The following DIP2B variants were observed in gnomAD, a reference collection of about 807,000 sequenced individuals.
DIP2B encodes the protein DIP2 acetate--CoA ligase B (putative), also known as disco-interacting protein 2 homolog B.
A neutral mutation model predicts 198.0 loss-of-function variants in DIP2B; 76 were observed. The observed-to-expected ratio is 0.38, with a 90% CI of 0.32 to 0.46. The LOEUF (loss-of-function observed/expected upper bound fraction) is 0.46, where lower values mean the gene tolerates loss of function less well. DIP2B is among the 20% of genes least tolerant of loss of function. The probability of loss-of-function intolerance (pLI) is 0.99; values close to 1 mark genes in which losing one functional copy is unlikely to be tolerated. For missense variants in DIP2B, 1,559 were observed against 1,978.4 expected (o/e 0.79, Z 4.02); for synonymous variants, 701 against 739.1 (o/e 0.95, Z 0.84).
In DIP2B at chr12:50,591,885, T is replaced by G. The variant is rs185138923; in HGVS notation, c.101-34091T>G. Among the ~76,000 whole-genome samples, 445 of 151,612 alleles carry G rather than the reference T, an allele frequency of 2.9e-3. 5 individuals are homozygous for G. Among genetic ancestry groups the G allele is most frequent in the African/African-American group, 0.01 (422 of 41,464 alleles). ...TTTATTTCTTTATTTTTGTGTGTTT[T>G]TTTTTTTTTTGAGATGGAGTCTTGC... On this transcript the variant is annotated intron_variant, in intron 1 of 37. Transcript: ENST00000301180.
intron 1 of DIP2B, among the ~76,000 whole-genome samples, chr12:50,571,170 C>CT (rs71083599): frequency 0.32 from 40,555 of 126,846 alleles, 6,962 homozygotes; most frequent in South Asian, 0.38. Flanking sequence ...TTGGCAGCCT[C>CT]TTTTTTTTTT....
rs1032318860 is a variant in DIP2B at position 50,659,921 on chromosome 12, A to T, written c.302-273A>T. On this transcript the variant is annotated intron_variant, in intron 3 of 37. Coordinates refer to ENST00000301180, the MANE Select transcript of DIP2B (RefSeq NM_173602.3). ...ATTCTGTCCCCACCCACCTCCCCAC[A>T]TCTCTGTCAACTCTTTGTCTGGTGT... Among the ~76,000 whole-genome samples the T allele has an allele frequency of 9.5e-4, 144 of 150,882 alleles. 1 individual carries two copies. The highest frequency in any genetic ancestry group is 9.5e-3 in the Admixed American group (144 of 15,170).
intron 27 of DIP2B, among the ~76,000 whole-genome samples, chr12:50,723,675 T>C (rs1447019849): frequency 6.6e-6 from 1 of 151,962 alleles, no homozygotes; most frequent in African/African-American, 2.4e-5. Context: ...CCCTTGAGTC[T>C]GGGAGGTGGA....
Position 50,747,200 on chromosome 12 carries a change from T to C in DIP2B, c.*2361T>C, listed in dbSNP as rs1940352095. 1 of 152,232 alleles carries C rather than the reference T, an allele frequency of 6.6e-6. No individual in the cohort carries two copies. The highest frequency in any genetic ancestry group is 6.5e-5 in the Admixed American group (1 of 15,282). 9.4% of individuals were successfully genotyped at this position (152,232 alleles called of 1,614,324 possible). ...AAACCATCACCATATTTCAAGTCTT[T>C]GTAGCCAAATGTGACTAGTGGCTAC... On this transcript the variant is annotated 3_prime_UTR_variant, in exon 38 of 38. Coordinates refer to ENST00000301180, the MANE Select transcript of DIP2B (RefSeq NM_173602.3).
intron 1 of DIP2B, among the ~76,000 whole-genome samples, chr12:50,543,924 T>TAAAAA (rs781505789): frequency 3.0e-5 from 3 of 101,172 alleles, no homozygotes; most frequent in African/African-American, 4.0e-5. Flanking sequence ...ACTCAGCCTT[T>TAAAAA]AAAAAAAAAA....
intron 3 of DIP2B, among the ~76,000 whole-genome samples, chr12:50,659,494 G>A (rs1308939053): frequency 6.6e-6 from 1 of 151,194 alleles, no homozygotes; most frequent in African/African-American, 2.4e-5. Context: ...TTTTTTAGCG[G>A]GATACAAAAT....
intron 1 of DIP2B, among the ~76,000 whole-genome samples, chr12:50,513,766 C>T (rs975429875): frequency 1.3e-5 from 2 of 150,750 alleles, no homozygotes; most frequent in Middle Eastern, 3.2e-3. Flanking sequence ...CCCAACTACT[C>T]GGGAGGCTGT....
intron 3 of DIP2B, among the ~76,000 whole-genome samples, chr12:50,657,325 T>A (rs1482461809): frequency 6.6e-6 from 1 of 151,754 alleles, no homozygotes; most frequent in Non-Finnish European, 1.5e-5. Flanking sequence ...ATTTATATAG[T>A]CTCAAAAGTA....
At chr12:50,702,578 C>T (rs948184655) in intron 19 of DIP2B, among the ~76,000 whole-genome samples, 4 of 151,392 alleles carry the variant, frequency 2.6e-5, no homozygotes, top group Non-Finnish European at 5.9e-5. Flanking sequence ...AAAAAATTAT[C>T]CGGGTGCTGT....
chr12:50,634,653 A>G (rs1381039793), intron 2 of DIP2B, among the ~76,000 whole-genome samples: 1 of 152,068 alleles, frequency 6.6e-6, no homozygotes, highest in Non-Finnish European at 1.5e-5. Context: ...CCCCACTTCC[A>G]TTATCTGAGT....
intron 1 of DIP2B, among the ~76,000 whole-genome samples, chr12:50,556,967 C>T (rs1958477236): frequency 6.6e-6 from 1 of 152,200 alleles, no homozygotes; most frequent in Admixed American, 6.5e-5. Flanking sequence ...ACATCGGCCT[C>T]CCATAGTGCT....
chr12:50,722,841 C>G (rs941872340), intron 26 of DIP2B, among the ~76,000 whole-genome samples: 1 of 152,142 alleles, frequency 6.6e-6, no homozygotes, highest in Non-Finnish European at 1.5e-5. Flanking sequence ...TTAAGAAGCT[C>G]AGGGCTTCCT....
At chr12:50,742,731 A>G (rs939616833) in intron 37 of DIP2B, among the ~76,000 whole-genome samples, 3 of 152,100 alleles carry the variant, frequency 2.0e-5, no homozygotes, top group African/African-American at 7.2e-5. Context: ...CCCTGTCTCT[A>G]CTAAAAATAC....
rs1958872366 is a variant in DIP2B at position 50,595,672 on chromosome 12, C to G, written c.101-30304C>G. Among the ~76,000 whole-genome samples the G allele has an allele frequency of 2.0e-5, 3 of 152,178 alleles. No homozygotes were observed. In the South Asian group the frequency reaches 6.2e-4, roughly 31 times the overall value. On this transcript the variant is annotated intron_variant, in intron 1 of 37. Coordinates refer to ENST00000301180, the MANE Select transcript of DIP2B (RefSeq NM_173602.3). Reference sequence around the variant, plus strand: ...TTTAATGTGGCCATTGAGGAGAATACTACATACATGTTCCTCTAGAACAGT... The same window carrying G: ...TTTAATGTGGCCATTGAGGAGAATAGTACATACATGTTCCTCTAGAACAGT...
intron 4 of DIP2B, among the ~76,000 whole-genome samples, chr12:50,661,589 C>T (rs1938648569): frequency 6.6e-6 from 1 of 152,180 alleles, no homozygotes; most frequent in Non-Finnish European, 1.5e-5. Flanking sequence ...CCGGCTATCA[C>T]AGTAAGACAG....
In DIP2B at chr12:50,699,127, A is replaced by G. The variant is rs369572047; in HGVS notation, c.2250A>G (p.Gly750=). 10 of 1,614,102 alleles carry G rather than the reference A, an allele frequency of 6.2e-6. No homozygotes were observed. Among genetic ancestry groups the G allele is most frequent in the Non-Finnish European group, 8.5e-7 (1 of 1,180,034 alleles). ...AGCTCTGCAAAACAGATGAAATTGG[A>G]GAAATCTGTGTTAGCTCCAGAACTG... ...PPQLCKTDEI[G]EICVSSRTGG... is the part of the protein sequence containing the mutation. The change falls in exon 19 of 38, where the codon GGA becomes GGG. Residue 750 remains glycine (G), a synonymous_variant. Transcript: ENST00000301180.
intron 22 of DIP2B, among the ~76,000 whole-genome samples, chr12:50,713,912 C>T (rs1458334992): frequency 6.6e-6 from 1 of 151,888 alleles, no homozygotes; most frequent in Non-Finnish European, 1.5e-5. Flanking sequence ...CTCCAAAAAC[C>T]TTAAAATTAA....
At position 50,731,436 on chromosome 12, in the gene DIP2B, C is replaced by T; in HGVS notation, c.3709C>T (p.Leu1237Phe). 1 of 1,614,178 alleles carries T rather than the reference C, an allele frequency of 6.2e-7. No homozygotes were observed. Among genetic ancestry groups the T allele is most frequent in the East Asian group, 2.2e-5 (1 of 44,888 alleles). The stretch of plus-strand genomic sequence containing the variant: ...GTTAGAGAACAACCTTTTCCTCTGG[C>T]TCTCCACAGTCAACCAGTACAAAAT... ...MELENNLFLWLSTVNQYKIRD... is the reference protein window; with the variant it reads ...MELENNLFLWFSTVNQYKIRD... The change falls in exon 31 of 38, where the codon CTC becomes TTC. Residue 1237 changes from leucine (L) to phenylalanine (F), a missense_variant. Physicochemically the swap from Leu to Phe is conservative, Grantham distance 22. Coordinates refer to ENST00000301180, the MANE Select transcript of DIP2B (RefSeq NM_173602.3).
At position 50,741,445 on chromosome 12, in the gene DIP2B, G is replaced by T; in HGVS notation, c.4384G>T (p.Ala1462Ser). 1.9e-6 allele frequency: 3 copies of T among 1,614,082 alleles called. No individual in the cohort carries two copies. The highest frequency in any genetic ancestry group is 2.5e-6 in the Non-Finnish European group (3 of 1,180,024). Residue 1462 changes from alanine (A) to serine (S), a missense_variant, in exon 37 of 38, where the codon GCG (alanine) becomes TCG (serine). Transcript: ENST00000301180. ...ERHDALYVVG[A>S]LDETLELRGL... Reference sequence around the variant, plus strand: ...TCATGATGCATTGTATGTGGTGGGAGCGCTGGATGAAACACTGGAGCTGAG... The same window carrying T: ...TCATGATGCATTGTATGTGGTGGGATCGCTGGATGAAACACTGGAGCTGAG...
Sources: allele counts gnomAD v4.1 joint callset (sites outside exome capture counted in the v4.1 genomes callset), GRCh38; gene constraint gnomAD v4.1.1; transcripts MANE v1.5; gene names NCBI Gene and HGNC (gene_info 2026-07-23, HGNC 2026-07-21).